The following TMEM201 variants were observed in gnomAD, a reference collection of about 807,000 sequenced individuals.
The protein encoded by TMEM201 is RP13-15M17.2.
TMEM201 carries 26 observed loss-of-function variants against 63.4 expected under a neutral mutation model. That is an observed-to-expected ratio of 0.41 (90% CI 0.30 to 0.57). The LOEUF (loss-of-function observed/expected upper bound fraction) is 0.57, where lower values mean the gene tolerates loss of function less well. TMEM201 is among the 20% of genes least tolerant of loss of function. The pLI, the probability that TMEM201 is intolerant of heterozygous loss-of-function variation, is 0.29. For synonymous variants in TMEM201, 417 were observed against 421.6 expected (o/e 0.99, Z 0.14); for missense variants, 794 against 917.7 (o/e 0.87, Z 1.74).
rs1427784857 is a variant in TMEM201, at chr1:9,603,756, C to T, written c.1160+1484C>T. On this transcript the variant is annotated intron_variant, in intron 6 of 10. Coordinates refer to ENST00000340381, the MANE Select transcript of TMEM201 (RefSeq NM_001130924.3). The surrounding 1 kb of genome is among the most constrained non-coding windows in gnomAD (Gnocchi z 4.5). Reference sequence around the variant, plus strand: ...CAGTGATTGGGTAGCAGCTCACATCCCACCCAGCTTCACAAGTGAGGAACC... The same window carrying T: ...CAGTGATTGGGTAGCAGCTCACATCTCACCCAGCTTCACAAGTGAGGAACC... The T allele has an allele frequency of 3.0e-6, 3 of 985,448 alleles. No homozygotes were observed. The highest frequency in any genetic ancestry group is 6.1e-5 in the Admixed American group (1 of 16,288). The allele number at this position is 985,448 out of a possible 1,614,324, so 61.0% of individuals were successfully genotyped here.
At chr1:9,606,062 C>T (rs1484843906) in intron 6 of TMEM201, among the ~76,000 whole-genome samples, 1 of 152,230 alleles carries the variant, frequency 6.6e-6, no homozygotes, top group South Asian at 2.1e-4. Flanking sequence ...AAGGTCCCAG[C>T]AACACCTTCA....
At chr1:9,599,777 ATTTTTTGTAT>A (rs1466718896) in intron 4 of TMEM201, among the ~76,000 whole-genome samples, 1 of 151,438 alleles carries the variant, frequency 6.6e-6, no homozygotes, top group African/African-American at 2.4e-5. Flanking sequence ...CACCTGGCTA[ATTTTTTGTAT>A]TTTTAGTAGA....
intron 9 of TMEM201, among the ~76,000 whole-genome samples, chr1:9,611,397 C>T (rs372376152): frequency 2.0e-5 from 3 of 152,168 alleles, no homozygotes; most frequent in African/African-American, 4.8e-5. Context: ...GGGATATCAC[C>T]ATGTTTCCCA....
chr1:9,604,060 G>C lies in TMEM201; in HGVS notation c.1160+1788G>C. The C allele has an allele frequency of 1.0e-6, 1 of 985,470 alleles. No homozygotes were observed. Among genetic ancestry groups the C allele is most frequent in the Non-Finnish European group, 1.2e-6 (1 of 829,954 alleles). The allele number at this position is 985,470 out of a possible 1,614,324, so 61.0% of individuals were successfully genotyped here. On this transcript the variant is annotated intron_variant, in intron 6 of 10. Coordinates refer to ENST00000340381, the MANE Select transcript of TMEM201 (RefSeq NM_001130924.3). This position sits in a 1 kb window ranked among gnomAD's most constrained non-coding sequence, Gnocchi z 4.1. ...CTCACGCCACCCCCCAGCCCACAAA[G>C]AGCCCATCTGAGAGAAGGACGTGGT...
intron 1 of TMEM201, among the ~76,000 whole-genome samples, chr1:9,591,998 C>T (rs1643930302): frequency 6.6e-6 from 1 of 152,228 alleles, no homozygotes; most frequent in Non-Finnish European, 1.5e-5. Flanking sequence ...GCATCTCTGC[C>T]AGCCTAGGGT....
At chr1:9,602,387 T>TGCCCCC in intron 6 of TMEM201, 115 bp downstream of exon 6, 1 of 1,422,024 alleles carries the variant, frequency 7.0e-7, no homozygotes, top group Non-Finnish European at 9.4e-7. Flanking sequence ...GCTCACGCCC[T>TGCCCCC]CCCACCCCCA....
intron 1 of TMEM201, among the ~76,000 whole-genome samples, 193 bp from the exon 2 acceptor site, chr1:9,595,697 G>A (rs1041313738): frequency 1.3e-5 from 2 of 151,968 alleles, no homozygotes; most frequent in Non-Finnish European, 2.9e-5. Flanking sequence ...GCCGTACCTA[G>A]TCTGCGTTCC....
intron 4 of TMEM201, among the ~76,000 whole-genome samples, chr1:9,599,316 C>T (rs544694796): frequency 3.3e-4 from 50 of 151,826 alleles, no homozygotes; most frequent in Admixed American, 1.0e-3. Context: ...GGCGCGATCT[C>T]GGCTCACTGC....
chr1:9,599,687 A>G (rs541929843), intron 4 of TMEM201, among the ~76,000 whole-genome samples: 2 of 151,682 alleles, frequency 1.3e-5, no homozygotes, highest in South Asian at 2.1e-4. Flanking sequence ...CAGTGGCGTG[A>G]TCTCGGCTCA....
At chr1:9,601,943 C>CT in intron 5 of TMEM201, 126 bp from the exon 6 acceptor site, 1 of 1,165,952 alleles carries the variant, frequency 8.6e-7, no homozygotes, top group Non-Finnish European at 1.2e-6. Context: ...GATTCCGAGC[C>CT]CACACTGTCC....
chr1:9,597,070 A>C lies in TMEM201; in HGVS notation c.429+17A>C, dbSNP rs923659058. 1 of 1,590,324 alleles carries C rather than the reference A, an allele frequency of 6.3e-7. No individual in the cohort carries two copies. On this transcript the variant is annotated intron_variant, in intron 3 of 10. Transcript: ENST00000340381. ...CGCGAGGAGGTGAGGCCGGGTTGGG[A>C]GGGCAGGGGTCCTGGCTGGGGCCAG...
Position 9,607,781 on chromosome 1 carries a change from C to T in TMEM201, c.1385C>T (p.Thr462Ile). 6.4e-7 allele frequency: 1 copy of T among 1,551,474 alleles called. No individual in the cohort carries two copies. The highest frequency in any genetic ancestry group is 8.7e-7 in the Non-Finnish European group (1 of 1,147,016). Residue 462 changes from threonine (T) to isoleucine (I), a missense_variant, in exon 7 of 11, where the codon ACT becomes ATT. By Grantham distance (89) the Thr-to-Ile change is moderately conservative. Transcript: ENST00000340381. The surrounding 1 kb of genome is among the most constrained non-coding windows in gnomAD (Gnocchi z 5.4). ...TCTCTGGGAACCATACCCTCTCTGA[C>T]TCGAGCAGGTAAGGGGTGCCCAGGC... Reference protein sequence around the residue: ...ALSLGTIPSLTRADSGYLFSG... With the variant: ...ALSLGTIPSLIRADSGYLFSG...
rs1207248482 is a variant in TMEM201, at chr1:9,604,890, C to A, written c.1160+2618C>A. 2 of 985,908 alleles carry A rather than the reference C, an allele frequency of 2.0e-6. No individual in the cohort carries two copies. The highest frequency in any genetic ancestry group is 2.4e-6 in the Non-Finnish European group (2 of 829,966). The allele number at this position is 985,908 out of a possible 1,614,324, so 61.1% of individuals were successfully genotyped here. On this transcript the variant is annotated intron_variant, in intron 6 of 10. Transcript: ENST00000340381. This position sits in a 1 kb window ranked among gnomAD's most constrained non-coding sequence, Gnocchi z 4.1. ...TCATCACTGTAACCATCGCGCCTGG[C>A]CTAGATGTCGTGTTTTGGATGCTGT...
In TMEM201 at chr1:9,604,282, C is replaced by T; in HGVS notation, c.1160+2010C>T. On this transcript the variant is annotated intron_variant, in intron 6 of 10. Coordinates refer to ENST00000340381, the MANE Select transcript of TMEM201 (RefSeq NM_001130924.3). This position sits in a 1 kb window ranked among gnomAD's most constrained non-coding sequence, Gnocchi z 4.1. Reference sequence around the variant, plus strand: ...TAACCAGAGCCAGCCCTCGCGCTGGCCAGGATCCTCCTGCCGAGCTGATGT... The same window carrying T: ...TAACCAGAGCCAGCCCTCGCGCTGGTCAGGATCCTCCTGCCGAGCTGATGT... 1 of 985,428 alleles carries T rather than the reference C, an allele frequency of 1.0e-6. No homozygotes were observed. The highest frequency in any genetic ancestry group is 1.2e-6 in the Non-Finnish European group (1 of 829,934). 61.0% of individuals were successfully genotyped at this position (985,428 alleles called of 1,614,324 possible). A position where few individuals can be genotyped will look rare whatever the true frequency, so the allele number is the denominator to read the frequency against.
chr1:9,598,567 G>A lies in TMEM201; in HGVS notation c.548G>A (p.Arg183His), dbSNP rs200443091. The change falls in exon 4 of 11, where the codon CGC becomes CAC. Residue 183 changes from arginine (R) to histidine (H), a missense_variant. By Grantham distance (29) the Arg-to-His change is conservative. Transcript: ENST00000340381. ...YYIKHQNRQL[R>H]ALLLSHQFKR... ...ATCAAGCACCAGAACCGCCAGCTGC[G>A]CGCCCTGTTGCTCAGCCACCAGTTC... The A allele has an allele frequency of 2.4e-5, 39 of 1,613,634 alleles. No individual in the cohort carries two copies. Among genetic ancestry groups the A allele is most frequent in the East Asian group, 6.7e-5 (3 of 44,882 alleles).
At chr1:9,612,882 C>G in intron 10 of TMEM201, 104 bp from the exon 11 acceptor site, 1 of 966,896 alleles carries the variant, frequency 1.0e-6, no homozygotes, top group South Asian at 1.5e-5. Context: ...GTACCCTGGG[C>G]AGAGCCTTGA....
intron 10 of TMEM201, among the ~76,000 whole-genome samples, chr1:9,612,394 G>A (rs1157775734): frequency 1.3e-5 from 2 of 152,240 alleles, no homozygotes; most frequent in African/African-American, 4.8e-5. Context: ...CTGGGGCTCA[G>A]GGGCAAGAGA....
At chr1:9,598,399 G>T (rs763646526) in intron 3 of TMEM201, 50 bp from the exon 4 acceptor site, 1 of 1,578,382 alleles carries the variant, frequency 6.3e-7, no homozygotes, top group Non-Finnish European at 8.7e-7. Flanking sequence ...TAAGATGGAG[G>T]CAGCTCATCC....
At chr1:9,589,067 G>C in intron 1 of TMEM201, 24 bp downstream of exon 1, 1 of 989,840 alleles carries the variant, frequency 1.0e-6, no homozygotes, top group Non-Finnish European at 1.2e-6. Context: ...TCGGCCCCAC[G>C]CGGCCCTCTG....
Sources: allele counts gnomAD v4.1 joint callset (sites outside exome capture counted in the v4.1 genomes callset), GRCh38; gene constraint gnomAD v4.1.1; non-coding constraint Gnocchi (gnomAD v3.1); transcripts MANE v1.5; gene names NCBI Gene and HGNC (gene_info 2026-07-23, HGNC 2026-07-21).